The following IARS2 variants were observed in gnomAD, a reference collection of about 807,000 sequenced individuals.
IARS2 encodes the protein isoleucine--tRNA ligase, mitochondrial.
IARS2 carries 56 observed loss-of-function variants against 126.3 expected under a neutral mutation model. That is an observed-to-expected ratio of 0.44 (90% CI 0.36 to 0.55). The LOEUF (loss-of-function observed/expected upper bound fraction) is 0.55, where lower values mean the gene tolerates loss of function less well. Ranked by LOEUF, IARS2 falls within the 20% of genes least tolerant of loss-of-function variation. The pLI is 0.00. For synonymous variants in IARS2, 407 were observed against 441.1 expected (o/e 0.92, Z 0.97); for missense variants, 1,127 against 1,245.9 (o/e 0.90, Z 1.44).
At chr1:220,114,729 T>G (rs1424538165) in intron 12 of IARS2, among the ~76,000 whole-genome samples, 1 of 151,976 alleles carries the variant, frequency 6.6e-6, no homozygotes, top group Non-Finnish European at 1.5e-5. Context: ...TTGGGCTGTA[T>G]TAAGGTATCA....
Position 220,106,031 on chromosome 1 carries a change from G to T in IARS2, c.1207G>T (p.Gly403Cys), listed in dbSNP as rs201122237. Residue 403 changes from glycine (G) to cysteine (C), a missense_variant, in exon 9 of 23, where the codon GGT (glycine) becomes TGT (cysteine). Coordinates refer to ENST00000366922, the MANE Select transcript of IARS2 (RefSeq NM_018060.4). ...CCCAGCTCATGGTATGGAAGACTAC[G>T]GTGTAGCGTCTCAGCACAACCTGCC... is the stretch of plus-strand genomic sequence containing the variant. ...TAPAHGMEDY[G>C]VASQHNLPMD... is the part of the protein sequence containing the mutation. The T allele has an allele frequency of 6.2e-7, 1 of 1,613,704 alleles. No homozygotes were observed. The highest frequency in any genetic ancestry group is 1.3e-5 in the African/African-American group (1 of 74,900).
In IARS2 at chr1:220,110,929, G is replaced by A. The variant is rs772335913; in HGVS notation, c.1471G>A (p.Ala491Thr). ...TATAAACATCACGGATATTAAGACTGCAGCCAAGGTATAAAAAGCATCCTG... is the reference window on the plus strand; with the variant it reads ...TATAAACATCACGGATATTAAGACTACAGCCAAGGTATAAAAAGCATCCTG... ...WFINITDIKTAAKELLKKVKF... is the reference protein window; with the variant it reads ...WFINITDIKTTAKELLKKVKF... Residue 491 changes from alanine (A) to threonine (T), a missense_variant, in exon 11 of 23, where the codon GCA (alanine) becomes ACA (threonine). Transcript: ENST00000366922. The A allele has an allele frequency of 3.1e-6, 5 of 1,612,144 alleles. No homozygotes were observed. In the East Asian group the frequency reaches 1.1e-4, roughly 36 times the overall value.
intron 14 of IARS2, among the ~76,000 whole-genome samples, chr1:220,131,482 G>A (rs968361629): frequency 6.6e-6 from 1 of 150,892 alleles, no homozygotes; most frequent in Admixed American, 6.6e-5. Flanking sequence ...TTCCCAAGTA[G>A]CTGTGACTAC....
chr1:220,147,948 G>A lies in IARS2; in HGVS notation c.*313G>A, dbSNP rs552408185. 3 of 397,502 alleles carry A rather than the reference G, an allele frequency of 7.5e-6. No individual in the cohort carries two copies. Among genetic ancestry groups the A allele is most frequent in the South Asian group, 2.5e-4 (2 of 7,862 alleles). 24.6% of individuals were successfully genotyped at this position (397,502 alleles called of 1,614,324 possible). On this transcript the variant is annotated 3_prime_UTR_variant, in exon 23 of 23. Coordinates refer to ENST00000366922, the MANE Select transcript of IARS2 (RefSeq NM_018060.4). ...ATGTATTCAGCTTGTCTTCAAATAC[G>A]GCCAAGCAGAAAATGTTTTATATTT...
In IARS2 at chr1:220,094,291, C is replaced by A; in HGVS notation, c.75C>A (p.Pro25=). The change falls in exon 1 of 23, where the codon CCC becomes CCA. Residue 25 remains proline, a synonymous_variant. Coordinates refer to ENST00000366922, the MANE Select transcript of IARS2 (RefSeq NM_018060.4). ...CTGCCCGAAGTTTGTGGGGGACGCC[C>A]CGCCTTCCCTGCAGCCCGGGATGGC... The part of the protein sequence containing the change: ...LATARSLWGT[P]RLPCSPGWQG... 2 of 1,611,330 alleles carry A rather than the reference C, an allele frequency of 1.2e-6. No individual in the cohort carries two copies.
chr1:220,125,216 G>T, intron 12 of IARS2, 21 bp from the exon 13 acceptor site: 2 of 1,403,434 alleles, frequency 1.4e-6, no homozygotes, highest in South Asian at 2.5e-5. Context: ...GAATAATTCT[G>T]CCATGTCCCC....
chr1:220,132,525 C>CTTTTTT (rs1368575100), intron 14 of IARS2, among the ~76,000 whole-genome samples: 1 of 128,970 alleles, frequency 7.8e-6, no homozygotes, highest in Non-Finnish European at 1.6e-5. Flanking sequence ...CTTTCTCTCT[C>CTTTTTT]TTTTTTTTTT....
At chr1:220,121,930 A>AGG (rs966676238) in intron 12 of IARS2, among the ~76,000 whole-genome samples, 2 of 151,916 alleles carry the variant, frequency 1.3e-5, no homozygotes, top group South Asian at 4.1e-4. Context: ...CCATCTCTAG[A>AGG]GGGGGGGAAA....
At chr1:220,107,224 T>C (rs2102820915) in intron 10 of IARS2, 73 bp downstream of exon 10, 3 of 914,374 alleles carry the variant, frequency 3.3e-6, no homozygotes, top group Non-Finnish European at 5.4e-6. Flanking sequence ...CTACCTATTT[T>C]CCCTCCTTAT....
intron 14 of IARS2, among the ~76,000 whole-genome samples, chr1:220,130,143 C>A (rs1051069085): frequency 1.3e-5 from 2 of 152,152 alleles, no homozygotes; most frequent in Non-Finnish European, 2.9e-5. Context: ...TACCTGTTGT[C>A]CATTCATATG....
At chr1:220,110,436 G>C (rs950486117) in intron 10 of IARS2, among the ~76,000 whole-genome samples, 1 of 152,052 alleles carries the variant, frequency 6.6e-6, no homozygotes, top group Non-Finnish European at 1.5e-5. Flanking sequence ...CACGATCTCG[G>C]CTCACTGCAA....
At chr1:220,096,296 CTAATTA>C in intron 2 of IARS2, 70 bp downstream of exon 2, 1 of 909,426 alleles carries the variant, frequency 1.1e-6, no homozygotes, top group Non-Finnish European at 1.6e-6. Flanking sequence ...AATGTGTATT[CTAATTA>C]TATGATAATT....
At chr1:220,105,086 AG>A (rs1461145908) in intron 8 of IARS2, among the ~76,000 whole-genome samples, 9 of 152,022 alleles carry the variant, frequency 5.9e-5, no homozygotes, top group African/African-American at 1.2e-4. Flanking sequence ...TTGGTGCAAT[AG>A]GGTAATAAAA....
At chr1:220,144,677 A>G (rs1657555028) in intron 21 of IARS2, among the ~76,000 whole-genome samples, 1 of 152,194 alleles carries the variant, frequency 6.6e-6, no homozygotes. Flanking sequence ...AGTCTTTCTA[A>G]GTAATGAACT....
intron 10 of IARS2, among the ~76,000 whole-genome samples, chr1:220,108,843 CT>C (rs1164942798): frequency 2.2e-5 from 3 of 137,790 alleles, no homozygotes; most frequent in Non-Finnish European, 4.6e-5. Flanking sequence ...TTAAATGTCT[CT>C]CTGTGAATCC....
chr1:220,144,302 C>A, intron 21 of IARS2: 1 of 757,280 alleles, frequency 1.3e-6, no homozygotes, highest in Non-Finnish European at 2.4e-6. Flanking sequence ...CTCTTTTTGG[C>A]ATTGTTGATG....
At chr1:220,118,288 T>C (rs747928391) in intron 12 of IARS2, 2 of 375,094 alleles carry the variant, frequency 5.3e-6, no homozygotes, top group African/African-American at 2.2e-5. Context: ...AGCTGTACGA[T>C]ATCTCTAAGT....
chr1:220,106,635 T>C (rs559292797), intron 9 of IARS2, among the ~76,000 whole-genome samples: 20 of 150,714 alleles, frequency 1.3e-4, no homozygotes, highest in Admixed American at 4.0e-4. Flanking sequence ...CTTTTCTTTT[T>C]TTTTTTTTTT....
rs748467842 is a variant in IARS2, at chr1:220,114,450, C to T, written c.1616C>T (p.Thr539Ile). ...GVPIPVFHHKTKDEYLINSQT... is the reference protein window; with the variant it reads ...GVPIPVFHHKIKDEYLINSQT... ...CCAATTCCTGTGTTTCATCATAAGA[C>T]CAAGGATGAATACTTGATCAACAGG... The change falls in exon 12 of 23, where the codon ACC becomes ATC. Residue 539 changes from threonine to isoleucine, a missense_variant. By Grantham distance (89) the Thr-to-Ile change is moderately conservative. Coordinates refer to ENST00000366922, the MANE Select transcript of IARS2 (RefSeq NM_018060.4). 2 of 1,613,296 alleles carry T rather than the reference C, an allele frequency of 1.2e-6. No individual in the cohort carries two copies. Among genetic ancestry groups the T allele is most frequent in the Non-Finnish European group, 1.7e-6 (2 of 1,179,726 alleles).
Sources: gnomAD v4.1 joint callset for allele counts (sites outside exome capture counted in the v4.1 genomes callset) on GRCh38, gnomAD v4.1.1 for gene constraint, MANE v1.5 for transcripts, NCBI Gene and HGNC (gene_info 2026-07-23, HGNC 2026-07-21) for gene names.